C10orf90: variants seen among roughly 807,000 people sequenced by gnomAD.
C10orf90 encodes chromosome 10 open reading frame 90.
In C10orf90, 56 loss-of-function variants were observed where a neutral mutation model predicts 62.5. The ratio of observed to expected loss-of-function variants is 0.90; its 90% confidence interval spans 0.72 to 1.12. The LOEUF is 1.12. Ranked by LOEUF, C10orf90 falls within the 50% of genes most tolerant of loss-of-function variation. C10orf90 has a pLI of 0.00. For synonymous variants in C10orf90, 386 were observed against 340.4 expected, an observed-to-expected ratio of 1.13 and a Z score of -1.47; for missense variants, 970 against 880.4, an observed-to-expected ratio of 1.10 and a Z score of -1.29.
chr10:126,468,271 G>A (rs974513628), intron 4 of C10orf90, among the ~76,000 whole-genome samples: 8 of 152,122 alleles, frequency 5.3e-5, no homozygotes, highest in Non-Finnish European at 1.0e-4. Flanking sequence ...GTTTTACCAT[G>A]TTGGCCAGGA....
At chr10:126,582,820 TA>T (rs1314475220) in intron 2 of C10orf90, among the ~76,000 whole-genome samples, 1 of 152,216 alleles carries the variant, frequency 6.6e-6, no homozygotes, top group Non-Finnish European at 1.5e-5. Flanking sequence ...CCTTGAAATA[TA>T]AGGTGTGTTG....
In C10orf90 at chr10:126,477,445, C is replaced by T. The variant is rs371524489; in HGVS notation, c.1535-12459G>A. Among the ~76,000 whole-genome samples the T allele has an allele frequency of 2.0e-5, 3 of 152,216 alleles. No homozygotes were observed. In the East Asian group the frequency reaches 5.8e-4, roughly 29 times the overall value. ...TCACACCCTCTGGGTCTACGTGGTA[C>T]CTGCCACACTCCTTTGTGTTTTGCC... is the stretch of plus-strand genomic sequence containing the variant. On this transcript the variant is annotated intron_variant, in intron 4 of 9. Coordinates refer to ENST00000488181, the MANE Select transcript of C10orf90 (RefSeq NM_001350921.2).
intron 2 of C10orf90, among the ~76,000 whole-genome samples, chr10:126,633,095 C>T (rs946690178): frequency 1.4e-4 from 22 of 152,216 alleles, no homozygotes; most frequent in African/African-American, 5.3e-4. Flanking sequence ...TACATGGCAC[C>T]TTCTGCCATC....
intron 2 of C10orf90, among the ~76,000 whole-genome samples, chr10:126,569,942 C>G (rs1437778500): frequency 6.6e-6 from 1 of 152,176 alleles, no homozygotes; most frequent in African/African-American, 2.4e-5. Flanking sequence ...AAAAACAATG[C>G]TGCTTTTTAG....
At chr10:126,655,790 AGTT>A (rs937139783) in intron 1 of C10orf90, among the ~76,000 whole-genome samples, 1 of 149,974 alleles carries the variant, frequency 6.7e-6, no homozygotes, top group South Asian at 2.1e-4. Flanking sequence ...CTTTTAACTC[AGTT>A]GTTGTTTTTC....
chr10:126,426,812 A>C (rs1857293906), intron 8 of C10orf90, among the ~76,000 whole-genome samples: 1 of 152,204 alleles, frequency 6.6e-6, no homozygotes, highest in African/African-American at 2.4e-5. Context: ...TGAAAGCCAG[A>C]TATGATATAG....
chr10:126,595,281 G>C (rs187386043), intron 2 of C10orf90, among the ~76,000 whole-genome samples: 1 of 152,248 alleles, frequency 6.6e-6, no homozygotes, highest in Admixed American at 6.5e-5. Flanking sequence ...AATTCTAATT[G>C]ATATCCATGA....
intron 2 of C10orf90, among the ~76,000 whole-genome samples, chr10:126,579,275 CTT>C (rs35287358): frequency 0.018 from 2,225 of 124,522 alleles, 44 homozygotes; most frequent in African/African-American, 0.075. Context: ...TTCTTTCTTT[CTT>C]TTTTTTTTTT....
At chr10:126,466,522 C>T (rs1256696582) in intron 4 of C10orf90, among the ~76,000 whole-genome samples, 1 of 152,182 alleles carries the variant, frequency 6.6e-6, no homozygotes, top group Non-Finnish European at 1.5e-5. Context: ...CCTGGAGTGC[C>T]CCCTGCTCCA....
intron 2 of C10orf90, among the ~76,000 whole-genome samples, chr10:126,551,629 A>G (rs1864633042): frequency 6.6e-6 from 1 of 152,232 alleles, no homozygotes; most frequent in South Asian, 2.1e-4. Context: ...CAAGGAGCAT[A>G]AGATTCCTAT....
rs78812633 is a variant in C10orf90 at position 126,621,292 on chromosome 10, A to G, written c.313+25273T>C. 8.5e-3 allele frequency among the ~76,000 whole-genome samples: 1,300 copies of G among 152,330 alleles called. 7 individuals carry two copies. The highest frequency in any genetic ancestry group is 0.013 in the Non-Finnish European group (914 of 68,030). On this transcript the variant is annotated intron_variant, in intron 2 of 9. Transcript: ENST00000488181. Reference sequence around the variant, plus strand: ...TTTTAGTGAGGTTGGATATTTCTCAATGTGTTTCCTAGTTACATCTCCTTT... The same window carrying G: ...TTTTAGTGAGGTTGGATATTTCTCAGTGTGTTTCCTAGTTACATCTCCTTT...
intron 4 of C10orf90, among the ~76,000 whole-genome samples, chr10:126,497,549 A>G (rs965201224): frequency 1.3e-5 from 2 of 152,182 alleles, no homozygotes; most frequent in Non-Finnish European, 2.9e-5. Context: ...TAAATTAACA[A>G]ACAAGGAGAG....
intron 2 of C10orf90, among the ~76,000 whole-genome samples, chr10:126,530,334 AC>A (rs1422861375): frequency 2.0e-5 from 3 of 152,112 alleles, no homozygotes; most frequent in East Asian, 1.9e-4. Flanking sequence ...TTAAAAAAAA[AC>A]AAATCAGTCA....
chr10:126,447,152 G>A (rs1327930452), intron 7 of C10orf90, among the ~76,000 whole-genome samples: 1 of 151,734 alleles, frequency 6.6e-6, no homozygotes, highest in Non-Finnish European at 1.5e-5. Context: ...CAACAAAATG[G>A]CAGCAGTAAT....
chr10:126,478,916 C>T (rs1018020545), intron 4 of C10orf90, among the ~76,000 whole-genome samples: 4 of 152,072 alleles, frequency 2.6e-5, no homozygotes, highest in East Asian at 1.9e-4. Context: ...AGGAATGAAG[C>T]GGGGGTGACA....
At chr10:126,594,523 G>C (rs1310006437) in intron 2 of C10orf90, among the ~76,000 whole-genome samples, 1 of 152,324 alleles carries the variant, frequency 6.6e-6, no homozygotes, top group South Asian at 2.1e-4. Flanking sequence ...CATCCAGGGT[G>C]AACCAGCCCG....
chr10:126,513,691 A>T (rs540573125), intron 3 of C10orf90, among the ~76,000 whole-genome samples, 157 bp downstream of exon 3: 1 of 152,378 alleles, frequency 6.6e-6, no homozygotes, highest in East Asian at 1.9e-4. Context: ...ATGATAAAAG[A>T]ATAATTAAAT....
Position 126,654,321 on chromosome 10 carries a change from G to C in C10orf90, c.241-7684C>G, listed in dbSNP as rs541243684. 2.6e-5 allele frequency among the ~76,000 whole-genome samples: 4 copies of C among 152,322 alleles called. No individual in the cohort carries two copies. In the East Asian group the frequency reaches 7.7e-4, roughly 29 times the overall value. Reference sequence around the variant, plus strand: ...TTGTTTAGTTTAGCCACCTTCATCAGTTATTTTCTGGATAACTTGCAGCAG... The same window carrying C: ...TTGTTTAGTTTAGCCACCTTCATCACTTATTTTCTGGATAACTTGCAGCAG... On this transcript the variant is annotated intron_variant, in intron 1 of 9. Transcript: ENST00000488181.
intron 4 of C10orf90, among the ~76,000 whole-genome samples, chr10:126,496,904 G>T (rs1160290908): frequency 1.3e-5 from 2 of 152,224 alleles, no homozygotes; most frequent in Non-Finnish European, 2.9e-5. Context: ...CAATGCCAAT[G>T]ACTCAGTTGA....
Sources: gnomAD v4.1 joint callset for allele counts (sites outside exome capture counted in the v4.1 genomes callset) on GRCh38, gnomAD v4.1.1 for gene constraint, MANE v1.5 for transcripts, NCBI Gene and HGNC (gene_info 2026-07-23, HGNC 2026-07-21) for gene names.